Variants in PCDHAC2 observed in about 807,000 individuals in gnomAD.
PCDHAC2 encodes the protein protocadherin alpha-C2.
Under a neutral mutation model 63.3 loss-of-function variants are expected in PCDHAC2, and 24 were observed. That is an observed-to-expected ratio of 0.38 (90% CI 0.27 to 0.53). The LOEUF (loss-of-function observed/expected upper bound fraction) is 0.53. PCDHAC2 is among the 20% of genes least tolerant of loss of function. PCDHAC2 has a pLI of 0.81. For synonymous variants in PCDHAC2, 569 were observed against 529.4 expected, an observed-to-expected ratio of 1.07 and a Z score of -1.03; for missense variants, 1,181 against 1,275.2, an observed-to-expected ratio of 0.93 and a Z score of 1.12.
intron 1 of PCDHAC2, among the ~76,000 whole-genome samples, chr5:140,971,500 T>C (rs2096483313): frequency 1.3e-5 from 2 of 152,136 alleles, no homozygotes; most frequent in Admixed American, 1.3e-4. Context: ...TGTGGCAAGA[T>C]AGGAGCAAAA....
chr5:141,004,768 A>G (rs2098180289), intron 3 of PCDHAC2, among the ~76,000 whole-genome samples: 1 of 152,160 alleles, frequency 6.6e-6, no homozygotes, highest in Non-Finnish European at 1.5e-5. Flanking sequence ...CAGGACCTGT[A>G]TTTTAAAGGT....
intron 3 of PCDHAC2, among the ~76,000 whole-genome samples, chr5:141,002,937 C>T (rs2098103358): frequency 6.6e-6 from 1 of 152,232 alleles, no homozygotes; most frequent in Non-Finnish European, 1.5e-5. Context: ...CCAACACCCT[C>T]CAGCACATGC....
At position 141,010,718 on chromosome 5, in the gene PCDHAC2, T is replaced by C. The variant is rs2154002137; in HGVS notation, c.*781T>C. Reference sequence around the variant, plus strand: ...TTTCCTATACATGTCCTGTGCTCACTTTATTAAAAATTCTTTTGCACACAA... The same window carrying C: ...TTTCCTATACATGTCCTGTGCTCACCTTATTAAAAATTCTTTTGCACACAA... On this transcript the variant is annotated 3_prime_UTR_variant, in exon 4 of 4. Coordinates refer to ENST00000289269, the MANE Select transcript of PCDHAC2 (RefSeq NM_018899.6). The C allele has an allele frequency of 6.5e-6, 1 of 154,542 alleles. No homozygotes were observed. The highest frequency in any genetic ancestry group is 1.9e-4 in the East Asian group (1 of 5,208). 9.6% of individuals were successfully genotyped at this position (154,542 alleles called of 1,614,324 possible). A position where few individuals can be genotyped will look rare whatever the true frequency, so the allele number is the denominator to read the frequency against.
At chr5:140,978,739 T>C (rs2096820890) in intron 1 of PCDHAC2, among the ~76,000 whole-genome samples, 1 of 152,252 alleles carries the variant, frequency 6.6e-6, no homozygotes, top group Non-Finnish European at 1.5e-5. Context: ...TCTTCCAGGG[T>C]ATCTAATCTG....
In PCDHAC2 at chr5:140,966,724, C is replaced by G. The variant is rs1357964806; in HGVS notation, c.-43C>G. On this transcript the variant is annotated 5_prime_UTR_variant, in exon 1 of 4. Transcript: ENST00000289269. The stretch of plus-strand genomic sequence containing the variant: ...CGTGGGGCACGGCTGGGGAAGCTGC[C>G]GCCTCCGGCCCTGCCCGGCTGCCTC... The G allele has an allele frequency of 1.8e-5, 25 of 1,396,170 alleles. No individual in the cohort carries two copies. Among genetic ancestry groups the G allele is most frequent in the Non-Finnish European group, 2.3e-5 (25 of 1,082,752 alleles). The allele number at this position is 1,396,170 out of a possible 1,614,324, so 86.5% of individuals were successfully genotyped here. A position where few individuals can be genotyped will look rare whatever the true frequency, so the allele number is the denominator to read the frequency against.
In PCDHAC2 at chr5:141,011,633, G is replaced by A. The variant is rs988824031; in HGVS notation, c.*1696G>A. ...TTATGGTCCAGCCAAGAGCCATCTC[G>A]TGCCAAGACTTCTGCTGGCAAGGGA... is the stretch of plus-strand genomic sequence containing the variant. On this transcript the variant is annotated 3_prime_UTR_variant, in exon 4 of 4. Transcript: ENST00000289269. The A allele has an allele frequency of 6.5e-6, 1 of 153,624 alleles. No homozygotes were observed. Among genetic ancestry groups the A allele is most frequent in the Non-Finnish European group, 1.5e-5 (1 of 68,022 alleles). The allele number at this position is 153,624 out of a possible 1,614,324, so 9.5% of individuals were successfully genotyped here. A position where few individuals can be genotyped will look rare whatever the true frequency, so the allele number is the denominator to read the frequency against.
chr5:140,976,982 T>G (rs1348911349), intron 1 of PCDHAC2, among the ~76,000 whole-genome samples: 1 of 152,240 alleles, frequency 6.6e-6, no homozygotes, highest in African/African-American at 2.4e-5. Flanking sequence ...CTGCCTGATC[T>G]TACTGCCATA....
chr5:140,968,949 T>C lies in PCDHAC2; in HGVS notation c.2183T>C (p.Ile728Thr). The change falls in exon 1 of 4, where the codon ATC (isoleucine) becomes ACC (threonine). Residue 728 changes from isoleucine to threonine, a missense_variant. Ile to Thr is a moderately conservative substitution (Grantham distance 89). This residue lies in a region of PCDHAC2 where 968 missense variants were observed against 1,073.5 expected (regional missense o/e 0.90). Coordinates refer to ENST00000289269, the MANE Select transcript of PCDHAC2 (RefSeq NM_018899.6). ...IFLLTIIILS[I>T]IKCYRYTAYG... Reference sequence around the variant, plus strand: ...CTTTTGACAATCATCATTTTGAGCATCATCAAGTGCTACCGCTACACTGCG... The same window carrying C: ...CTTTTGACAATCATCATTTTGAGCACCATCAAGTGCTACCGCTACACTGCG... 6.2e-7 allele frequency: 1 copy of C among 1,614,180 alleles called. No individual in the cohort carries two copies. Among genetic ancestry groups the C allele is most frequent in the Non-Finnish European group, 8.5e-7 (1 of 1,180,030 alleles).
intron 3 of PCDHAC2, among the ~76,000 whole-genome samples, chr5:141,000,885 G>C (rs1213239926): frequency 6.6e-6 from 1 of 151,922 alleles, no homozygotes; most frequent in African/African-American, 2.4e-5. Context: ...TCCAACCTGG[G>C]CAACAGATAT....
chr5:140,988,495 G>GT (rs2097300130), intron 3 of PCDHAC2, among the ~76,000 whole-genome samples: 1 of 152,158 alleles, frequency 6.6e-6, no homozygotes, highest in Non-Finnish European at 1.5e-5. Context: ...CTACCTAGGA[G>GT]AAGCCATGAA....
intron 1 of PCDHAC2, among the ~76,000 whole-genome samples, chr5:140,976,934 C>T (rs995021593): frequency 1.3e-5 from 2 of 152,170 alleles, no homozygotes; most frequent in African/African-American, 2.4e-5. Context: ...TGTGTAGCTA[C>T]TTAAAACATA....
At chr5:141,003,039 T>C (rs2098108520) in intron 3 of PCDHAC2, among the ~76,000 whole-genome samples, 1 of 152,216 alleles carries the variant, frequency 6.6e-6, no homozygotes, top group Admixed American at 6.5e-5. Flanking sequence ...AAAGCCCTCC[T>C]GGCCTTAACA....
chr5:140,968,091 C>T lies in PCDHAC2; in HGVS notation c.1325C>T (p.Thr442Ile), dbSNP rs782079016. 1.4e-5 allele frequency: 22 copies of T among 1,614,128 alleles called. No individual in the cohort carries two copies. Among genetic ancestry groups the T allele is most frequent in the Non-Finnish European group, 1.9e-5 (22 of 1,180,016 alleles). The change falls in exon 1 of 4, where the codon ACA becomes ATA. Residue 442 changes from threonine to isoleucine, a missense_variant. By Grantham distance (89) the Thr-to-Ile change is moderately conservative. This residue lies in a region of PCDHAC2 where 968 missense variants were observed against 1,073.5 expected (regional missense o/e 0.90). Coordinates refer to ENST00000289269, the MANE Select transcript of PCDHAC2 (RefSeq NM_018899.6). ...VAVYNITVTATDGGIPQLTSL... is the reference protein window; with the variant it reads ...VAVYNITVTAIDGGIPQLTSL... ...GTCTACAACATCACGGTGACAGCCA[C>T]AGATGGGGGAATACCGCAGCTCACA...
intron 3 of PCDHAC2, among the ~76,000 whole-genome samples, chr5:140,992,691 G>A (rs373170347): frequency 9.3e-4 from 142 of 152,244 alleles, no homozygotes; most frequent in Middle Eastern, 3.4e-3. Context: ...GGGTTGAGGG[G>A]TGGGTAATGT....
intron 3 of PCDHAC2, among the ~76,000 whole-genome samples, chr5:141,001,297 A>G (rs1367498675): frequency 1.3e-5 from 2 of 152,202 alleles, no homozygotes; most frequent in African/African-American, 2.4e-5. Context: ...ACTGAGGCCC[A>G]GAGATATGAA....
chr5:140,995,511 A>G (rs561169284), intron 3 of PCDHAC2, among the ~76,000 whole-genome samples: 1 of 152,342 alleles, frequency 6.6e-6, no homozygotes, highest in Admixed American at 6.5e-5. Flanking sequence ...TGGGTAACTG[A>G]AGCCTCAGAA....
chr5:140,999,693 AT>A (rs202183337), intron 3 of PCDHAC2, among the ~76,000 whole-genome samples: 13 of 151,522 alleles, frequency 8.6e-5, no homozygotes, highest in African/African-American at 2.4e-4. Flanking sequence ...AAGAAATGTG[AT>A]TTTTTTTTAG....
At chr5:140,984,339 A>G (rs956761683) in intron 3 of PCDHAC2, among the ~76,000 whole-genome samples, 2 of 152,246 alleles carry the variant, frequency 1.3e-5, no homozygotes, top group Non-Finnish European at 2.9e-5. Context: ...AATAGGAACC[A>G]TGTATTGATA....
chr5:140,979,414 T>C (rs1410205907), intron 2 of PCDHAC2, among the ~76,000 whole-genome samples: 1 of 152,242 alleles, frequency 6.6e-6, no homozygotes, highest in African/African-American at 2.4e-5. Flanking sequence ...CCTTGTTTTT[T>C]TTTTAATCTC....
Sources: gnomAD v4.1 joint callset for allele counts (sites outside exome capture counted in the v4.1 genomes callset) on GRCh38, gnomAD v4.1.1 for gene constraint, gnomAD v4.1.1 regional missense constraint, MANE v1.5 for transcripts, NCBI Gene and HGNC (gene_info 2026-07-23, HGNC 2026-07-21) for gene names.